TOP3B: variants seen among roughly 807,000 people sequenced by gnomAD.
TOP3B encodes DNA topoisomerase 3-beta-1.
A neutral mutation model predicts 93.9 loss-of-function variants in TOP3B; 45 were observed. That is an observed-to-expected ratio of 0.48 (90% CI 0.38 to 0.61). TOP3B has a LOEUF of 0.61. Among genes scored for constraint, TOP3B ranks in the 20% least tolerant of loss-of-function variants. The probability of loss-of-function intolerance (pLI) is 0.00; values close to 1 mark genes in which losing one functional copy is unlikely to be tolerated. For synonymous variants in TOP3B, 357 were observed against 472.6 expected, an observed-to-expected ratio of 0.76 and a Z score of 3.17; for missense variants, 750 against 1,156.1, an observed-to-expected ratio of 0.65 and a Z score of 5.09.
At chr22:21,965,449 G>T in intron 8 of TOP3B, 74 bp from the exon 9 acceptor site, 1 of 953,668 alleles carries the variant, frequency 1.0e-6, no homozygotes, top group Non-Finnish European at 1.6e-6. Flanking sequence ...ATGTGTGGAC[G>T]AAGGGTCTGG....
chr22:21,968,207 C>T (rs576323574), intron 7 of TOP3B: 10 of 231,900 alleles, frequency 4.3e-5, no homozygotes, highest in African/African-American at 1.8e-4. Context: ...GGATTACAGA[C>T]ATCAGTCACT....
In TOP3B at chr22:21,962,445, C is replaced by A. The variant is rs1379173617; in HGVS notation, c.1509G>T (p.Met503Ile). 6.2e-7 allele frequency: 1 copy of A among 1,613,576 alleles called. No homozygotes were observed. Among genetic ancestry groups the A allele is most frequent in the East Asian group, 2.2e-5 (1 of 44,902 alleles). The change falls in exon 13 of 18, where the codon ATG (methionine) becomes ATT (isoleucine). Residue 503 changes from methionine to isoleucine, a missense_variant. Met to Ile is a conservative substitution (Grantham distance 10). Transcript: ENST00000357179. ...YLTEAELITL[M>I]EKHGIGTDAS... Reference sequence around the variant, plus strand: ...CGCACCCACCGATGCCATGCTTCTCCATGAGCGTGATGAGCTCGGCCTCCG... The same window carrying A: ...CGCACCCACCGATGCCATGCTTCTCAATGAGCGTGATGAGCTCGGCCTCCG...
rs2145867182 is a variant in TOP3B, at chr22:21,972,061, TAGG to T, written c.310-113_310-111del. Reference sequence around the variant, plus strand: ...TTGGTCCCAGGCCCTGAACCTCAGTTAGGAGGACTGGTACCTGGGCTGGGTAAG... The same window carrying T: ...TTGGTCCCAGGCCCTGAACCTCAGTTAGGACTGGTACCTGGGCTGGGTAAG... On this transcript the variant is annotated intron_variant, in intron 4 of 17. Coordinates refer to ENST00000357179, the MANE Select transcript of TOP3B (RefSeq NM_001282112.2). 22 of 862,774 alleles carry T rather than the reference TAGG, an allele frequency of 2.5e-5. 1 individual carries two copies. The South Asian group carries it at 3.6e-4, about 14-fold the overall frequency. 53.4% of individuals were successfully genotyped at this position (862,774 alleles called of 1,614,324 possible).
At position 21,959,606 on chromosome 22, in the gene TOP3B, G is replaced by A. The variant is rs537087560; in HGVS notation, c.1785C>T (p.Tyr595=). Residue 595 remains tyrosine, a synonymous_variant, in exon 15 of 18, where the codon TAC becomes TAT. Transcript: ENST00000357179. ...CTCTACCAGCAATGGAGTCGACAAA[G>A]TAGTGGAACTTCCTCTTGAACACGT... The part of the protein sequence containing the change: ...TLDVFKRKFH[Y]FVDSIAGMDE... 5.6e-6 allele frequency: 9 copies of A among 1,612,826 alleles called. No homozygotes were observed. In the East Asian group the frequency reaches 2.0e-4, roughly 36 times the overall value.
At chr22:21,962,037 T>G in intron 13 of TOP3B, 18 of 991,554 alleles carry the variant, frequency 1.8e-5, no homozygotes, top group Non-Finnish European at 2.0e-5. Flanking sequence ...GCAGCTCCTG[T>G]GAGATCTCAT....
In TOP3B at chr22:21,970,218, T is replaced by A. The variant is rs760594632; in HGVS notation, c.573A>T (p.Ala191=). The part of the protein sequence containing the change: ...RQELDLRIGC[A]FTRFQTKYFQ... ...GCGGGTGTGGCCAGCACCTGGTGAA[T>A]GCACAGCCGATTCGCAGGTCCAGCT... is the stretch of plus-strand genomic sequence containing the variant. Residue 191 remains alanine (A), a synonymous_variant, in exon 6 of 18, where the codon GCA becomes GCT. Transcript: ENST00000357179. This position sits in a 1 kb window ranked among gnomAD's most constrained non-coding sequence, Gnocchi z 4.4. 1 of 1,611,296 alleles carries A rather than the reference T, an allele frequency of 6.2e-7. No homozygotes were observed. Among genetic ancestry groups the A allele is most frequent in the Non-Finnish European group, 8.5e-7 (1 of 1,179,956 alleles).
In TOP3B at chr22:21,970,584, C is replaced by G. The variant is rs754070529; in HGVS notation, c.385-178G>C. 3.7e-5 allele frequency: 24 copies of G among 653,928 alleles called. No homozygotes were observed. The African/African-American group carries it at 4.0e-4, about 11-fold the overall frequency. 40.5% of individuals were successfully genotyped at this position (653,928 alleles called of 1,614,324 possible). On this transcript the variant is annotated intron_variant, in intron 5 of 17. Transcript: ENST00000357179. The surrounding 1 kb of genome is among the most constrained non-coding windows in gnomAD (Gnocchi z 4.4). Reference sequence around the variant, plus strand: ...CACCTGCCAGACCCTCCTCTATCCCCCTGCCTTTCCAGAAGCCCTGAGCAC... The same window carrying G: ...CACCTGCCAGACCCTCCTCTATCCCGCTGCCTTTCCAGAAGCCCTGAGCAC...
rs557596301 is a variant in TOP3B at position 21,957,825 on chromosome 22, C to T, written c.2108-230G>A. ...TTTCAAGGCCCCTCGCTGGCACCATCCCAGTGGGTTTCAGCTGACTCCATC... is the reference window on the plus strand; with the variant it reads ...TTTCAAGGCCCCTCGCTGGCACCATTCCAGTGGGTTTCAGCTGACTCCATC... On this transcript the variant is annotated intron_variant, in intron 17 of 17. Transcript: ENST00000357179. 8 of 1,533,104 alleles carry T rather than the reference C, an allele frequency of 5.2e-6. No homozygotes were observed. In the East Asian group the frequency reaches 2.0e-4, roughly 38 times the overall value. 95.0% of individuals were successfully genotyped at this position (1,533,104 alleles called of 1,614,324 possible). A position where few individuals can be genotyped will look rare whatever the true frequency, so the allele number is the denominator to read the frequency against.
At chr22:21,981,714 T>C (rs528883593) in intron 1 of TOP3B, among the ~76,000 whole-genome samples, 2 of 152,174 alleles carry the variant, frequency 1.3e-5, no homozygotes, top group African/African-American at 4.8e-5. Context: ...GGAGAATCAC[T>C]TGAACCCGGG....
Position 21,965,364 on chromosome 22 carries a change from T to C in TOP3B, c.864A>G (p.Thr288=), listed in dbSNP as rs1395496633. 1 of 1,604,084 alleles carries C rather than the reference T, an allele frequency of 6.2e-7. No homozygotes were observed. Among genetic ancestry groups the C allele is most frequent in the East Asian group, 2.3e-5 (1 of 44,224 alleles). The change falls in exon 9 of 18, where the codon ACA becomes ACG. Residue 288 remains threonine, a synonymous_variant. Coordinates refer to ENST00000357179, the MANE Select transcript of TOP3B (RefSeq NM_001282112.2). ...TCTGCTTGGCCTTTTCTTTCCTGCT[T>C]GTGGCCTCCACCTGGAAGACAGGAC... ...KLEKEAQVEA[T]SRKEKAKQRP... is the part of the protein sequence containing the mutation.
chr22:21,965,073 G>A (rs1016679488), intron 9 of TOP3B: 1 of 402,498 alleles, frequency 2.5e-6, no homozygotes, highest in Non-Finnish European at 4.4e-6. Context: ...CCCTCACCAG[G>A]GATAGCTGCT....
intron 13 of TOP3B, chr22:21,961,283 G>C (rs2145833768): frequency 6.6e-6 from 1 of 152,464 alleles, no homozygotes; most frequent in Admixed American, 6.5e-5. Context: ...AGTCTGCCGG[G>C]CGCCATGACG....
Position 21,968,703 on chromosome 22 carries a change from C to T in TOP3B, c.654G>A (p.Gln218=), listed in dbSNP as rs145530716. Residue 218 remains glutamine, a synonymous_variant, in exon 7 of 18, where the codon CAG becomes CAA. Transcript: ENST00000357179. ...DSSLISFGPC[Q]TPTLGFCVER... is the part of the protein sequence containing the mutation. Reference sequence around the variant, plus strand: ...CCACACAGAATCCCAGGGTTGGAGTCTGACACGGCCCAAAGGAGATGAGAG... The same window carrying T: ...CCACACAGAATCCCAGGGTTGGAGTTTGACACGGCCCAAAGGAGATGAGAG... 4.0e-3 allele frequency: 6,425 copies of T among 1,614,160 alleles called. 33 individuals are homozygous for T. The highest frequency in any genetic ancestry group is 4.8e-3 in the Non-Finnish European group (5,672 of 1,180,014).
chr22:21,964,270 G>C lies in TOP3B; in HGVS notation c.989C>G (p.Thr330Arg). 1 of 1,614,146 alleles carries C rather than the reference G, an allele frequency of 6.2e-7. No homozygotes were observed. The highest frequency in any genetic ancestry group is 2.2e-5 in the East Asian group (1 of 44,890). The change falls in exon 10 of 18, where the codon ACG becomes AGG. Residue 330 changes from threonine (T) to arginine (R), a missense_variant. By Grantham distance (71) the Thr-to-Arg change is moderately conservative. Around this residue, in one of 4 missense-constraint regions of TOP3B, gnomAD observed 737 missense variants for 933.7 expected, o/e 0.79. Coordinates refer to ENST00000357179, the MANE Select transcript of TOP3B (RefSeq NM_001282112.2). ...HAMQTAERLY[T>R]QGYISYPRTE... ...CCGTGGGTAGCTGATGTAGCCTTGC[G>C]TGTAGAGCCGCTCAGCCGTCTGCAT... is the stretch of plus-strand genomic sequence containing the variant.
chr22:21,957,838 A>G, intron 17 of TOP3B: 2 of 1,531,764 alleles, frequency 1.3e-6, no homozygotes, highest in African/African-American at 2.7e-5. Context: ...AGTGGGTTTC[A>G]GCTGACTCCA....
At position 21,970,050 on chromosome 22, in the gene TOP3B, G is replaced by C. The variant is rs2071571194; in HGVS notation, c.581+160C>G. The C allele has an allele frequency of 1.4e-6, 1 of 732,312 alleles. No homozygotes were observed. Among genetic ancestry groups the C allele is most frequent in the Non-Finnish European group, 2.2e-6 (1 of 454,804 alleles). 45.4% of individuals were successfully genotyped at this position (732,312 alleles called of 1,614,324 possible). ...CTCCCAAAGTGCAGGGATTACAGGTGTTAGCCACTGTGCCTGGCCTTCTTC... is the reference window on the plus strand; with the variant it reads ...CTCCCAAAGTGCAGGGATTACAGGTCTTAGCCACTGTGCCTGGCCTTCTTC... On this transcript the variant is annotated intron_variant, in intron 6 of 17. Transcript: ENST00000357179. This position sits in a 1 kb window ranked among gnomAD's most constrained non-coding sequence, Gnocchi z 4.4.
In TOP3B at chr22:21,972,687, G is replaced by A. The variant is rs559021828; in HGVS notation, c.234C>T (p.Pro78=). ...GKYNKWDKVD[P]AELFSQAPTE... The stretch of plus-strand genomic sequence containing the variant: ...TGGGAGCTTGGCTGAACAGTTCTGC[G>A]GGGTCCACTTTGTCCCATTTGTTGT... Residue 78 remains proline, a synonymous_variant, in exon 4 of 18, where the codon CCC becomes CCT. Transcript: ENST00000357179. The A allele has an allele frequency of 1.9e-5, 31 of 1,613,946 alleles. No homozygotes were observed. The Admixed American group carries it at 2.0e-4, about 10-fold the overall frequency.
Position 21,971,074 on chromosome 22 carries a change from A to G in TOP3B, c.385-668T>C, listed in dbSNP as rs1348916310. 7.7e-7 allele frequency: 1 copy of G among 1,302,090 alleles called. No homozygotes were observed. The highest frequency in any genetic ancestry group is 1.5e-5 in the African/African-American group (1 of 65,778). The allele number at this position is 1,302,090 out of a possible 1,614,324, so 80.7% of individuals were successfully genotyped here. On this transcript the variant is annotated intron_variant, in intron 5 of 17. Transcript: ENST00000357179. This position sits in a 1 kb window ranked among gnomAD's most constrained non-coding sequence, Gnocchi z 4.6. ...AGTGGCTTCATTTCTGAAGGGAGAA[A>G]GCCCCATGAGCTGCCCCCATTCTCC...
At chr22:21,960,184 C>T (rs1439132379) in intron 14 of TOP3B, 137 bp downstream of exon 14, 20 of 1,326,804 alleles carry the variant, frequency 1.5e-5, no homozygotes, top group South Asian at 7.8e-5. Flanking sequence ...ACCCCTTCAG[C>T]GGGTGTTGAG....
Sources: gnomAD v4.1 joint callset for allele counts (sites outside exome capture counted in the v4.1 genomes callset) on GRCh38, gnomAD v4.1.1 for gene constraint, gnomAD v4.1.1 regional missense constraint, Gnocchi (gnomAD v3.1) non-coding constraint, MANE v1.5 for transcripts, NCBI Gene and HGNC (gene_info 2026-07-23, HGNC 2026-07-21) for gene names.